RELCH: variants seen among roughly 807,000 people sequenced by gnomAD.
RELCH encodes the protein RAB11-binding protein RELCH.
Under a neutral mutation model 150.3 loss-of-function variants are expected in RELCH, and 41 were observed. That is an observed-to-expected ratio of 0.27 (90% CI 0.21 to 0.35). The LOEUF (loss-of-function observed/expected upper bound fraction) is 0.35, where lower values mean the gene tolerates loss of function less well. RELCH is among the 10% of genes least tolerant of loss of function. RELCH has a pLI of 1.00. For synonymous variants in RELCH, 478 were observed against 531.8 expected (o/e 0.90, Z 1.39); for missense variants, 1,092 against 1,467.8 (o/e 0.74, Z 4.18).
At position 62,274,097 on chromosome 18, in the gene RELCH, A is replaced by T; in HGVS notation, c.2867+11A>T. On this transcript the variant is annotated intron_variant, in intron 21 of 28. Transcript: ENST00000644646. ...TTTTGTGGAATTGGGGTAAGAAATA[A>T]CAGCTTATAGTTTGCTAAAAGGCAT... The T allele has an allele frequency of 6.4e-7, 1 of 1,557,490 alleles. No homozygotes were observed. The highest frequency in any genetic ancestry group is 8.9e-7 in the Non-Finnish European group (1 of 1,129,240).
intron 16 of RELCH, among the ~76,000 whole-genome samples, chr18:62,263,648 C>G (rs2043391694): frequency 6.6e-6 from 1 of 151,716 alleles, no homozygotes; most frequent in Non-Finnish European, 1.5e-5. Context: ...TTTTTAGTAC[C>G]AATTTATTAC....
chr18:62,260,730 T>C (rs941851329), intron 15 of RELCH, among the ~76,000 whole-genome samples: 2 of 151,942 alleles, frequency 1.3e-5, no homozygotes, highest in African/African-American at 2.4e-5. Context: ...TGGAATATTA[T>C]TCAGCCATTA....
chr18:62,277,359 T>G (rs2044267206), intron 22 of RELCH, among the ~76,000 whole-genome samples: 1 of 152,128 alleles, frequency 6.6e-6, no homozygotes, highest in Admixed American at 6.6e-5. Context: ...TTCAAATTCA[T>G]TAATGATACA....
At chr18:62,193,324 A>G (rs2038786406) in intron 1 of RELCH, among the ~76,000 whole-genome samples, 3 of 152,076 alleles carry the variant, frequency 2.0e-5, no homozygotes, top group Admixed American at 1.3e-4. Flanking sequence ...AAGACAATTT[A>G]ACTTCCTCGC....
intron 1 of RELCH, among the ~76,000 whole-genome samples, chr18:62,209,742 C>T (rs879644572): frequency 1.3e-4 from 19 of 150,760 alleles, no homozygotes; most frequent in African/African-American, 1.2e-4. Flanking sequence ...ATCTTCTTAT[C>T]TGTAAGCCTG....
chr18:62,239,191 CTT>C (rs753335831), intron 10 of RELCH, among the ~76,000 whole-genome samples: 5 of 152,124 alleles, frequency 3.3e-5, no homozygotes, highest in Non-Finnish European at 5.9e-5. Flanking sequence ...AATAGTGAGA[CTT>C]GAGGTAAGGT....
intron 10 of RELCH, among the ~76,000 whole-genome samples, chr18:62,237,940 A>C (rs1356898861): frequency 6.6e-6 from 1 of 151,968 alleles, no homozygotes; most frequent in African/African-American, 2.4e-5. Flanking sequence ...AAAAGAAAAA[A>C]GTAACAACTT....
chr18:62,304,318 T>C (rs1213177725), intron 28 of RELCH, among the ~76,000 whole-genome samples: 1 of 152,180 alleles, frequency 6.6e-6, no homozygotes, highest in South Asian at 2.1e-4. Context: ...GAACCCACTG[T>C]TGTACTGTCA....
At chr18:62,252,594 CTT>C (rs933323324) in intron 11 of RELCH, 68 bp from the exon 12 acceptor site, 1 of 1,117,656 alleles carries the variant, frequency 8.9e-7, no homozygotes, top group East Asian at 2.4e-5. Context: ...AGAGATGAGA[CTT>C]TTTTAACCCT....
chr18:62,221,927 AGT>A (rs1377121369), intron 5 of RELCH, among the ~76,000 whole-genome samples: 1 of 151,980 alleles, frequency 6.6e-6, no homozygotes, highest in Non-Finnish European at 1.5e-5. Context: ...TGTAAATGAG[AGT>A]GAGAAAATCA....
intron 10 of RELCH, among the ~76,000 whole-genome samples, chr18:62,239,545 A>AT (rs1158459112): frequency 6.6e-6 from 1 of 151,958 alleles, no homozygotes; most frequent in Non-Finnish European, 1.5e-5. Context: ...AAAAACTGAT[A>AT]TTTTACCTAA....
chr18:62,280,209 A>G, intron 23 of RELCH: 1 of 644,796 alleles, frequency 1.6e-6, no homozygotes, highest in Non-Finnish European at 2.8e-6. Context: ...GTGTAGTAGC[A>G]TGAACCAATG....
intron 10 of RELCH, among the ~76,000 whole-genome samples, chr18:62,233,757 A>G (rs1850626566): frequency 6.6e-6 from 1 of 151,862 alleles, no homozygotes; most frequent in African/African-American, 2.4e-5. Flanking sequence ...CCTTAATATC[A>G]TCTTTAGAGT....
intron 22 of RELCH, among the ~76,000 whole-genome samples, chr18:62,276,865 G>A (rs2144888638): frequency 6.6e-6 from 1 of 152,132 alleles, no homozygotes; most frequent in South Asian, 2.1e-4. Flanking sequence ...TTTATGTCTA[G>A]TACAAGTTCC....
rs148601270 is a variant in RELCH at position 62,207,616 on chromosome 18, A to G, written c.527-3537A>G. 2.3e-3 allele frequency among the ~76,000 whole-genome samples: 349 copies of G among 152,348 alleles called. 4 individuals carry two copies. Among genetic ancestry groups the G allele is most frequent in the African/African-American group, 8.0e-3 (334 of 41,584 alleles). On this transcript the variant is annotated intron_variant, in intron 1 of 28. Transcript: ENST00000644646. ...CCATTCCCACCAGCTAGATGTAAGGATTCCAATTTCTTCACATTGTCACCA... is the reference window on the plus strand; with the variant it reads ...CCATTCCCACCAGCTAGATGTAAGGGTTCCAATTTCTTCACATTGTCACCA...
intron 10 of RELCH, among the ~76,000 whole-genome samples, chr18:62,238,311 A>G (rs1412210136): frequency 2.6e-5 from 4 of 151,960 alleles, no homozygotes; most frequent in South Asian, 4.1e-4. Context: ...GAAAAGTAAA[A>G]GATGGACTGA....
chr18:62,264,106 CAACAGGCTGGGAGAGTTT>C lies in RELCH; in HGVS notation c.2470_2487del (p.Thr824_Leu829del), dbSNP rs2043420452. The C allele has an allele frequency of 6.2e-7, 1 of 1,603,330 alleles. No individual in the cohort carries two copies. The highest frequency in any genetic ancestry group is 8.5e-7 in the Non-Finnish European group (1 of 1,176,018). On this transcript the variant is annotated inframe_deletion, in exon 17 of 29. Transcript: ENST00000644646. ...GACTACCAGCTAGAACAAGAGGGTA[CAACAGGCTGGGAGAGTTT>C]ACTGTGGGTTGTCAATCAATTGTAA...
At chr18:62,202,873 A>G (rs2039538813) in intron 1 of RELCH, among the ~76,000 whole-genome samples, 1 of 152,252 alleles carries the variant, frequency 6.6e-6, no homozygotes, top group Non-Finnish European at 1.5e-5. Context: ...TATTAAAATC[A>G]GGAATAAAAC....
intron 5 of RELCH, among the ~76,000 whole-genome samples, chr18:62,222,167 G>C (rs1475255623): frequency 2.0e-5 from 3 of 151,886 alleles, no homozygotes; most frequent in Admixed American, 1.3e-4. Flanking sequence ...AGATTATTCT[G>C]TTGGTTCATA....
Sources: allele counts gnomAD v4.1 joint callset (sites outside exome capture counted in the v4.1 genomes callset), GRCh38; gene constraint gnomAD v4.1.1; transcripts MANE v1.5; gene names NCBI Gene and HGNC (gene_info 2026-07-23, HGNC 2026-07-21).